Variants in TAFA4 observed in about 807,000 individuals in gnomAD.
TAFA4 encodes chemokine-like protein TAFA-4.
TAFA4 carries 20 observed loss-of-function variants against 21.1 expected under a neutral mutation model. The observed-to-expected ratio is 0.95, with a 90% CI of 0.67 to 1.38. The LOEUF (loss-of-function observed/expected upper bound fraction) is 1.38, where lower values mean the gene tolerates loss of function less well. TAFA4 is among the 40% of genes most tolerant of loss of function. The pLI is 0.00. For synonymous variants in TAFA4, 71 were observed against 67.4 expected (o/e 1.05, Z -0.26); for missense variants, 211 against 180.9 (o/e 1.17, Z -0.95).
intron 3 of TAFA4, among the ~76,000 whole-genome samples, chr3:68,832,049 C>A (rs1272252285): frequency 6.6e-6 from 1 of 151,218 alleles, no homozygotes; most frequent in Non-Finnish European, 1.5e-5. Flanking sequence ...AAGCTCTTCT[C>A]TACACTGGTT....
At chr3:68,736,906 G>C (rs1167205774) in intron 5 of TAFA4, among the ~76,000 whole-genome samples, 1 of 151,480 alleles carries the variant, frequency 6.6e-6, no homozygotes, top group Non-Finnish European at 1.5e-5. Context: ...ATGATGGCTT[G>C]GGGAACTGTA....
chr3:68,814,349 T>C (rs1295035358), intron 3 of TAFA4, among the ~76,000 whole-genome samples: 1 of 152,132 alleles, frequency 6.6e-6, no homozygotes, highest in Non-Finnish European at 1.5e-5. Flanking sequence ...ATAAAGGGTA[T>C]TCAATTAGGA....
chr3:68,883,627 GAA>G (rs1204501487), intron 2 of TAFA4, among the ~76,000 whole-genome samples: 3 of 152,176 alleles, frequency 2.0e-5, no homozygotes, highest in East Asian at 1.9e-4. Context: ...AATACAAAGA[GAA>G]AGAGTTTAAC....
intron 1 of TAFA4, among the ~76,000 whole-genome samples, chr3:68,886,354 C>T (rs1172830087): frequency 6.6e-6 from 1 of 152,164 alleles, no homozygotes; most frequent in Non-Finnish European, 1.5e-5. Context: ...TGTATAAACA[C>T]AAGTTGCTCA....
intron 4 of TAFA4, among the ~76,000 whole-genome samples, chr3:68,745,670 T>C (rs189570039): frequency 6.6e-6 from 1 of 152,352 alleles, no homozygotes; most frequent in Non-Finnish European, 1.5e-5. Flanking sequence ...CTCTATTGTA[T>C]AAAATGAGTT....
At chr3:68,894,320 G>A (rs1374656256) in intron 1 of TAFA4, among the ~76,000 whole-genome samples, 1 of 152,040 alleles carries the variant, frequency 6.6e-6, no homozygotes, top group African/African-American at 2.4e-5. Flanking sequence ...CCCCATGCCT[G>A]GCTCATTTTT....
At chr3:68,820,982 G>A (rs1036890824) in intron 3 of TAFA4, among the ~76,000 whole-genome samples, 2 of 152,174 alleles carry the variant, frequency 1.3e-5, no homozygotes, top group Non-Finnish European at 2.9e-5. Flanking sequence ...TGTACCACAA[G>A]GTGGTACCAA....
intron 1 of TAFA4, among the ~76,000 whole-genome samples, chr3:68,924,158 A>C (rs956178456): frequency 3.3e-5 from 5 of 152,234 alleles, no homozygotes; most frequent in African/African-American, 1.2e-4. Context: ...GGCAGAACTA[A>C]AAGCATCTTG....
chr3:68,889,437 C>A (rs939386228), intron 1 of TAFA4, among the ~76,000 whole-genome samples: 1 of 152,178 alleles, frequency 6.6e-6, no homozygotes, highest in African/African-American at 2.4e-5. Flanking sequence ...GTGCCTTCCT[C>A]GTCTGTTGAT....
intron 3 of TAFA4, among the ~76,000 whole-genome samples, chr3:68,785,865 T>A (rs1703250549): frequency 6.6e-6 from 1 of 152,226 alleles, no homozygotes; most frequent in South Asian, 2.1e-4. Context: ...TTAAGAGGCA[T>A]CTAAATGTTA....
At chr3:68,786,057 A>G (rs1703253575) in intron 3 of TAFA4, among the ~76,000 whole-genome samples, 2 of 152,244 alleles carry the variant, frequency 1.3e-5, no homozygotes, top group African/African-American at 4.8e-5. Context: ...TTAAGTCCCC[A>G]CAATGCAGGA....
intron 1 of TAFA4, among the ~76,000 whole-genome samples, chr3:68,902,364 A>G (rs911439856): frequency 6.6e-6 from 1 of 151,642 alleles, no homozygotes; most frequent in South Asian, 2.1e-4. Flanking sequence ...GATAATACCT[A>G]TATCATTCAC....
chr3:68,861,358 C>A (rs1281498227), intron 3 of TAFA4, among the ~76,000 whole-genome samples: 1 of 151,858 alleles, frequency 6.6e-6, no homozygotes, highest in Non-Finnish European at 1.5e-5. Context: ...CGACAGGCTG[C>A]AGGAAAAATT....
intron 3 of TAFA4, among the ~76,000 whole-genome samples, chr3:68,867,903 C>A (rs952410435): frequency 4.6e-5 from 7 of 151,886 alleles, no homozygotes; most frequent in Non-Finnish European, 1.0e-4. Flanking sequence ...AATCACATAG[C>A]CACAGAGGAA....
At chr3:68,766,059 T>C (rs1282890696) in intron 3 of TAFA4, among the ~76,000 whole-genome samples, 1 of 151,550 alleles carries the variant, frequency 6.6e-6, no homozygotes, top group African/African-American at 2.4e-5. Flanking sequence ...ACAGAAAAGA[T>C]AGAACTAGAG....
intron 2 of TAFA4, among the ~76,000 whole-genome samples, chr3:68,882,573 G>C (rs1418390020): frequency 6.6e-6 from 1 of 152,124 alleles, no homozygotes; most frequent in Non-Finnish European, 1.5e-5. Context: ...CTGATCCTTG[G>C]GTAAGAGGAA....
chr3:68,751,175 A>G (rs1168242992), intron 4 of TAFA4, among the ~76,000 whole-genome samples: 1 of 152,234 alleles, frequency 6.6e-6, no homozygotes, highest in Non-Finnish European at 1.5e-5. Context: ...CCTAGGGTAG[A>G]GTACTTGAAA....
intron 1 of TAFA4, among the ~76,000 whole-genome samples, chr3:68,931,601 G>A (rs975858566): frequency 6.6e-6 from 1 of 152,214 alleles, no homozygotes; most frequent in Admixed American, 6.5e-5. Flanking sequence ...ATGTAGAGAT[G>A]CCACCTTGGT....
chr3:68,921,617 G>A (rs989208495), intron 1 of TAFA4, among the ~76,000 whole-genome samples: 22 of 152,242 alleles, frequency 1.4e-4, no homozygotes, highest in African/African-American at 4.8e-4. Context: ...TTCTGGTCCT[G>A]ACTAAATCTT....
Sources: allele counts gnomAD v4.1 joint callset (sites outside exome capture counted in the v4.1 genomes callset), GRCh38; gene constraint gnomAD v4.1.1; transcripts MANE v1.5; gene names NCBI Gene and HGNC (gene_info 2026-07-23, HGNC 2026-07-21).